Variants in DLC1 observed in about 807,000 individuals in gnomAD.
DLC1 encodes rho GTPase-activating protein 7.
A neutral mutation model predicts 140.3 loss-of-function variants in DLC1; 54 were observed. That is an observed-to-expected ratio of 0.38 (90% CI 0.31 to 0.48). DLC1 has a LOEUF of 0.48. Ranked by LOEUF, DLC1 falls within the 20% of genes least tolerant of loss-of-function variation. The probability of loss-of-function intolerance (pLI) is 0.96; values close to 1 mark genes in which losing one functional copy is unlikely to be tolerated. For missense variants in DLC1, 2,536 were observed against 1,907.0 expected, an observed-to-expected ratio of 1.33 and a Z score of -6.14; for synonymous variants, 986 against 728.1, an observed-to-expected ratio of 1.35 and a Z score of -5.70.
intron 5 of DLC1, among the ~76,000 whole-genome samples, chr8:13,183,243 C>G (rs28839278): frequency 1.2e-4 from 18 of 152,076 alleles, no homozygotes; most frequent in Admixed American, 3.3e-4. Flanking sequence ...TCTAAATATA[C>G]AATCATGTCA....
At chr8:13,249,623 T>A (rs750210923) in intron 5 of DLC1, among the ~76,000 whole-genome samples, 4 of 152,184 alleles carry the variant, frequency 2.6e-5, no homozygotes, top group Non-Finnish European at 5.9e-5. Context: ...ACTTCCAACC[T>A]ATTTCTTCCT....
intron 5 of DLC1, among the ~76,000 whole-genome samples, chr8:13,300,523 G>C (rs1299002810): frequency 3.9e-5 from 6 of 152,140 alleles, no homozygotes; most frequent in African/African-American, 1.2e-4. Context: ...TCCTGCTAGA[G>C]CTTCTCGTCC....
At chr8:13,556,154 A>G (rs748192461) in intron 1 of DLC1, among the ~76,000 whole-genome samples, 4 of 152,156 alleles carry the variant, frequency 2.6e-5, no homozygotes, top group Non-Finnish European at 5.9e-5. Flanking sequence ...GATTATCAGA[A>G]TGTATAAGGA....
At chr8:13,277,395 C>T (rs1228460021) in intron 5 of DLC1, among the ~76,000 whole-genome samples, 2 of 152,286 alleles carry the variant, frequency 1.3e-5, no homozygotes, top group Non-Finnish European at 2.9e-5. Flanking sequence ...TCTAACCATA[C>T]TTCTACTTAC....
chr8:13,087,313 G>A (rs1184049066), intron 16 of DLC1, among the ~76,000 whole-genome samples: 1 of 152,204 alleles, frequency 6.6e-6, no homozygotes, highest in African/African-American at 2.4e-5. Flanking sequence ...GAGGGGGGAG[G>A]ATTGCTTGAG....
chr8:13,213,787 G>A (rs190813430), intron 5 of DLC1, among the ~76,000 whole-genome samples: 1 of 143,268 alleles, frequency 7.0e-6, no homozygotes, highest in East Asian at 2.0e-4. Context: ...GTTTGTTTCC[G>A]TTTTTTTTTT....
chr8:13,592,356 T>G lies in DLC1; in HGVS notation c.-126+12181A>C, dbSNP rs138060649. On this transcript the variant is annotated intron_variant, in intron 1 of 1. Coordinates refer to the DLC1 transcript ENST00000631382. ...TATTTAAATTTGTATTTTGTTTGTTTCGTTTATATTTTTATATTTGTCTTT... is the reference window on the plus strand; with the variant it reads ...TATTTAAATTTGTATTTTGTTTGTTGCGTTTATATTTTTATATTTGTCTTT... 7.6e-4 allele frequency among the ~76,000 whole-genome samples: 115 copies of G among 152,188 alleles called. 1 individual carries two copies. The highest frequency in any genetic ancestry group is 2.5e-3 in the African/African-American group (105 of 41,572).
chr8:13,401,535 C>T lies in DLC1; in HGVS notation c.1108G>A (p.Glu370Lys), dbSNP rs139628612. 16 of 1,613,404 alleles carry T rather than the reference C, an allele frequency of 9.9e-6. No individual in the cohort carries two copies. The highest frequency in any genetic ancestry group is 1.3e-5 in the Non-Finnish European group (15 of 1,180,008). The change falls in exon 3 of 18, where the codon GAA becomes AAA. Residue 370 changes from glutamate to lysine, a missense_variant. By Grantham distance (56) the Glu-to-Lys change is moderately conservative (BLOSUM62 1). Transcript: ENST00000276297. ...GAGGAGCTGGTGCTGAGGGCATTTT[C>T]TATGTCCTGATCAAGCTGGTCCAGT... ...MKLDQLDQDI[E>K]NALSTSSSPS...
chr8:13,331,654 C>G (rs1833594002), intron 4 of DLC1, among the ~76,000 whole-genome samples: 1 of 151,774 alleles, frequency 6.6e-6, no homozygotes, highest in Admixed American at 6.6e-5. Context: ...GAAGAAACCC[C>G]CAACTAACCC....
At chr8:13,328,192 T>C (rs1400348531) in intron 4 of DLC1, among the ~76,000 whole-genome samples, 2 of 152,116 alleles carry the variant, frequency 1.3e-5, no homozygotes, top group South Asian at 2.1e-4. Context: ...ATTTGTGGTT[T>C]CAAAAGATCT....
At chr8:13,366,124 C>T (rs1835467964) in intron 4 of DLC1, among the ~76,000 whole-genome samples, 2 of 152,200 alleles carry the variant, frequency 1.3e-5, no homozygotes, top group Admixed American at 6.5e-5. Flanking sequence ...GAAGAGAAGC[C>T]TCTACGGCTC....
chr8:13,519,525 G>A (rs915447583), upstream of DLC1, among the ~76,000 whole-genome samples: 3 of 152,154 alleles, frequency 2.0e-5, no homozygotes, highest in Admixed American at 2.0e-4. Flanking sequence ...TCATGCGCAT[G>A]ATTAGTTTTT....
chr8:13,425,209 C>T (rs1366366349), intron 2 of DLC1, among the ~76,000 whole-genome samples: 5 of 152,002 alleles, frequency 3.3e-5, no homozygotes, highest in East Asian at 3.9e-4. Flanking sequence ...ACAAACTCTT[C>T]GGCTCCTCTT....
intron 1 of DLC1, among the ~76,000 whole-genome samples, chr8:13,587,854 T>TATC (rs71207169): frequency 0.19 from 28,962 of 151,756 alleles, 3,224 homozygotes; most frequent in Non-Finnish European, 0.25. Context: ...TCCTGTATCA[T>TATC]ATCATGCCCC....
At chr8:13,480,964 G>A (rs2117117259) in intron 2 of DLC1, among the ~76,000 whole-genome samples, 1 of 152,202 alleles carries the variant, frequency 6.6e-6, no homozygotes, top group African/African-American at 2.4e-5. Context: ...GTAGAATATG[G>A]ATTGAAAGGG....
intron 1 of DLC1, among the ~76,000 whole-genome samples, chr8:13,581,519 C>G (rs1805098430): frequency 6.6e-6 from 1 of 152,170 alleles, no homozygotes; most frequent in South Asian, 2.1e-4. Context: ...CAACAGCTAA[C>G]CCTGTATTTT....
intron 2 of DLC1, among the ~76,000 whole-genome samples, chr8:13,406,183 T>TTTTTTTTTTTG (rs1563321173): frequency 8.0e-6 from 1 of 125,690 alleles, no homozygotes; most frequent in African/African-American, 3.1e-5. Flanking sequence ...ATTTTTGTGT[T>TTTTTTTTTTTG]TTTTTTTTTT....
intron 5 of DLC1, among the ~76,000 whole-genome samples, chr8:13,146,167 C>T (rs1463312638): frequency 3.3e-5 from 5 of 151,402 alleles, no homozygotes; most frequent in South Asian, 2.1e-4. Context: ...CCCAGCTACT[C>T]GGGAGGCTGA....
intron 4 of DLC1, among the ~76,000 whole-genome samples, chr8:13,379,314 T>C (rs1028368221): frequency 1.2e-4 from 18 of 152,176 alleles, no homozygotes; most frequent in African/African-American, 4.1e-4. Flanking sequence ...AGATGCTCCT[T>C]GACTTACAAT....
Sources: gnomAD v4.1 joint callset for allele counts (sites outside exome capture counted in the v4.1 genomes callset) on GRCh38, gnomAD v4.1.1 for gene constraint, MANE v1.5 for transcripts, NCBI Gene and HGNC (gene_info 2026-07-23, HGNC 2026-07-21) for gene names.